The following ARHGEF10 variants were observed in gnomAD, a reference collection of about 807,000 sequenced individuals.
ARHGEF10 encodes the protein Rho guanine nucleotide exchange factor (GEF) 10.
ARHGEF10 carries 140 observed loss-of-function variants against 147.4 expected under a neutral mutation model. That is an observed-to-expected ratio of 0.95 (90% CI 0.83 to 1.09). ARHGEF10 has a LOEUF of 1.09. Ranked by LOEUF, ARHGEF10 falls within the 50% of genes least tolerant of loss-of-function variation. The pLI is 0.00. For synonymous variants in ARHGEF10, 902 were observed against 695.8 expected, an observed-to-expected ratio of 1.30 and a Z score of -4.67; for missense variants, 2,222 against 1,752.7, an observed-to-expected ratio of 1.27 and a Z score of -4.78.
intron 13 of ARHGEF10, among the ~76,000 whole-genome samples, chr8:1,895,393 G>A (rs1324383253): frequency 6.6e-6 from 1 of 152,162 alleles, no homozygotes; most frequent in Non-Finnish European, 1.5e-5. Context: ...TTAAATGAAT[G>A]TTATAATAAT....
rs1563234295 is a variant in ARHGEF10 at position 1,888,263 on chromosome 8, G to GAGGTGATAGTTTTGAGGAGAC, written c.1182+2558_1182+2559insGTGATAGTTTTGAGGAGACAG. On this transcript the variant is annotated intron_variant, in intron 11 of 28. Coordinates refer to ENST00000349830, the MANE Select transcript of ARHGEF10 (RefSeq NM_014629.4). The stretch of plus-strand genomic sequence containing the variant: ...GTGGTGAGGGTTGCGAGGAGATGCT[G>GAGGTGATAGTTTTGAGGAGAC]AGTGGGGCTGTAGGTTCTGAGGAGG... Among the ~76,000 whole-genome samples the GAGGTGATAGTTTTGAGGAGAC allele has an allele frequency of 3.6e-4, 34 of 94,276 alleles. 2 individuals carry two copies. Among genetic ancestry groups the GAGGTGATAGTTTTGAGGAGAC allele is most frequent in the Non-Finnish European group, 5.4e-4 (25 of 46,170 alleles). The allele number at this position is 94,276 out of a possible 152,430, so 61.8% of individuals were successfully genotyped here.
chr8:1,877,527 C>T (rs140455447), intron 8 of ARHGEF10, among the ~76,000 whole-genome samples: 62 of 152,280 alleles, frequency 4.1e-4, no homozygotes, highest in Non-Finnish European at 6.0e-4. Flanking sequence ...CACACCCAGC[C>T]GGATGATCCT....
Position 1,834,146 on chromosome 8 carries a change from T to C in ARHGEF10, c.-47-9207T>C, listed in dbSNP as rs1405646852. ...CAGTTCTGCCTGGGCAAGTGGATAC[T>C]GTGGTGGCCGGTCCGGGGCTGCTTG... On this transcript the variant is annotated intron_variant, in intron 1 of 28. Transcript: ENST00000349830. Among the ~76,000 whole-genome samples the C allele has an allele frequency of 3.3e-5, 5 of 152,176 alleles. No homozygotes were observed. In the South Asian group the frequency reaches 8.3e-4, roughly 25 times the overall value.
Position 1,893,698 on chromosome 8 carries a change from C to T in ARHGEF10, c.1260+52C>T, listed in dbSNP as rs376695834. ...CATACATTTCTATTATTCTTTTTTA[C>T]CTATATACATTTTGATCCATAAATG... On this transcript the variant is annotated intron_variant, in intron 12 of 28. Coordinates refer to ENST00000349830, the MANE Select transcript of ARHGEF10 (RefSeq NM_014629.4). 20 of 1,351,872 alleles carry T rather than the reference C, an allele frequency of 1.5e-5. No homozygotes were observed. In the African/African-American group the frequency reaches 2.5e-4, roughly 17 times the overall value. 83.7% of individuals were successfully genotyped at this position (1,351,872 alleles called of 1,614,324 possible). A position where few individuals can be genotyped will look rare whatever the true frequency, so the allele number is the denominator to read the frequency against.
At chr8:1,915,075 CCCCTGTGT>C (rs1811656069) in intron 18 of ARHGEF10, among the ~76,000 whole-genome samples, 1 of 149,696 alleles carries the variant, frequency 6.7e-6, no homozygotes, top group Non-Finnish European at 1.5e-5. Flanking sequence ...GTGTCCTGTG[CCCCTGTGT>C]GCTCATGCGG....
chr8:1,863,254 G>A (rs532918766), intron 4 of ARHGEF10, among the ~76,000 whole-genome samples: 3 of 152,244 alleles, frequency 2.0e-5, no homozygotes, highest in South Asian at 2.1e-4. Context: ...AGCGCTACCC[G>A]CAGATCCACC....
chr8:1,876,034 G>T (rs1279103656), intron 7 of ARHGEF10: 2 of 164,576 alleles, frequency 1.2e-5, no homozygotes, highest in South Asian at 1.6e-4. Context: ...TAAAAGTCTT[G>T]TTAGTGTCAC....
rs984076595 is a variant in ARHGEF10 at position 1,937,046 on chromosome 8, G to A, written c.3222+3104G>A. Among the ~76,000 whole-genome samples the A allele has an allele frequency of 2.0e-5, 3 of 152,196 alleles. No individual in the cohort carries two copies. The highest frequency in any genetic ancestry group is 1.3e-4 in the Admixed American group (2 of 15,278). On this transcript the variant is annotated intron_variant, in intron 26 of 28. Coordinates refer to ENST00000349830, the MANE Select transcript of ARHGEF10 (RefSeq NM_014629.4). This position sits in a 1 kb window ranked among gnomAD's most constrained non-coding sequence, Gnocchi z 4.9. The stretch of plus-strand genomic sequence containing the variant: ...GCCGTGGATCATGAATAGCATTCCC[G>A]CGTGAGTCTTTTTTTGACACAGCCT...
intron 2 of ARHGEF10, among the ~76,000 whole-genome samples, chr8:1,854,127 C>T (rs918322280): frequency 5.9e-5 from 9 of 152,204 alleles, no homozygotes; most frequent in South Asian, 4.1e-4. Flanking sequence ...CTGGGGAGCT[C>T]GGGTGGGGTC....
At chr8:1,846,069 T>A (rs1460598117) in intron 2 of ARHGEF10, among the ~76,000 whole-genome samples, 1 of 152,226 alleles carries the variant, frequency 6.6e-6, no homozygotes, top group African/African-American at 2.4e-5. Flanking sequence ...AGCTCCAGGC[T>A]GCAGGAATGT....
rs1805962935 is a variant in ARHGEF10 at position 1,860,010 on chromosome 8, G to T, written c.307G>T (p.Asp103Tyr). 3 of 1,614,000 alleles carry T rather than the reference G, an allele frequency of 1.9e-6. No individual in the cohort carries two copies. The highest frequency in any genetic ancestry group is 2.5e-6 in the Non-Finnish European group (3 of 1,180,004). The change falls in exon 4 of 29, where the codon GAC (aspartate) becomes TAC (tyrosine). Residue 103 changes from aspartate (D) to tyrosine (Y), a missense_variant. Transcript: ENST00000349830. ...CATCGACATCACGCCATTCCAGGAG[G>T]ACCAGCCGCCCACCCCCGTGCCCAG... is the stretch of plus-strand genomic sequence containing the variant. ...SVIDITPFQE[D>Y]QPPTPVPSAE...
intron 6 of ARHGEF10, 31 bp downstream of exon 6, chr8:1,866,633 C>T (rs746630899): frequency 6.3e-7 from 1 of 1,594,020 alleles, no homozygotes. Context: ...CAGCCAGAAT[C>T]CTCACCACGC....
rs1263949189 is a variant in ARHGEF10 at position 1,841,865 on chromosome 8, GGCCGCGGCGGGAAC to G, written c.-47-1487_-47-1474del. ...GAACTGGGGCCGCGGCGGGAACTGG[GGCCGCGGCGGGAAC>G]TGGGGCCGCGGCGGGAACTGGGGCC... is the stretch of plus-strand genomic sequence containing the variant. On this transcript the variant is annotated intron_variant, in intron 1 of 28. Transcript: ENST00000349830. 6.5e-4 allele frequency among the ~76,000 whole-genome samples: 81 copies of G among 124,506 alleles called. 3 individuals carry two copies. The highest frequency in any genetic ancestry group is 1.2e-3 in the African/African-American group (41 of 33,966). 81.7% of individuals were successfully genotyped at this position (124,506 alleles called of 152,430 possible). A position where few individuals can be genotyped will look rare whatever the true frequency, so the allele number is the denominator to read the frequency against.
intron 18 of ARHGEF10, among the ~76,000 whole-genome samples, chr8:1,912,367 A>T (rs1399695595): frequency 6.6e-6 from 1 of 151,944 alleles, no homozygotes; most frequent in African/African-American, 2.4e-5. Context: ...CCGTCCCTGC[A>T]AAAGTGCTGT....
Position 1,876,718 on chromosome 8 carries a change from G to C in ARHGEF10, c.827G>C (p.Ser276Thr), listed in dbSNP as rs755067873. Residue 276 changes from serine (S) to threonine (T), a missense_variant, in exon 8 of 29, where the codon AGC (serine) becomes ACC (threonine). By Grantham distance (58) the Ser-to-Thr change is moderately conservative (BLOSUM62 1). Transcript: ENST00000349830. ...KNGIPRSFLR[S>T]NHKKQLSHDL... ...GGGATTCCCAGGTCCTTCCTGCGCA[G>C]CAACCACAAAAAGCAAGTACGTGTT... The C allele has an allele frequency of 9.3e-6, 15 of 1,614,068 alleles. No individual in the cohort carries two copies. The highest frequency in any genetic ancestry group is 1.7e-5 in the Admixed American group (1 of 60,004).
Position 1,896,385 on chromosome 8 carries a change from GC to G in ARHGEF10, c.1494del (p.Ser498ArgfsTer21). 6.2e-7 allele frequency: 1 copy of G among 1,614,018 alleles called. No homozygotes were observed. ...DAYSEYVNNF[S>X]TAVAVLKKTC... ...TACAGTGAATATGTGAACAATTTCAGCACAGCCGTGGCAGTCCTCAAGAAAA... is the reference window on the plus strand; with the variant it reads ...TACAGTGAATATGTGAACAATTTCAGACAGCCGTGGCAGTCCTCAAGAAAA... On this transcript the variant is annotated frameshift_variant, in exon 14 of 29. Transcript: ENST00000349830. LOFTEE classifies it high-confidence loss of function.
chr8:1,882,853 C>T (rs1808335196), intron 10 of ARHGEF10, 104 bp downstream of exon 10: 4 of 973,012 alleles, frequency 4.1e-6, no homozygotes, highest in African/African-American at 3.2e-5. Context: ...CAGGCTCCCA[C>T]AGCCTTAGGG....
At chr8:1,854,259 G>A (rs1805379346) in intron 2 of ARHGEF10, among the ~76,000 whole-genome samples, 2 of 152,104 alleles carry the variant, frequency 1.3e-5, no homozygotes, top group African/African-American at 4.8e-5. Flanking sequence ...CACCATCGAT[G>A]GAGGCCCCCT....
Position 1,958,197 on chromosome 8 carries a change from C to G in ARHGEF10, c.*934C>G, listed in dbSNP as rs1288255551. On this transcript the variant is annotated 3_prime_UTR_variant, in exon 29 of 29. Transcript: ENST00000349830. ...CGCACGCTCCGAATGACTCCTGGTG[C>G]TAGGCCATGCTGGCTGCTGTCACTG... is the stretch of plus-strand genomic sequence containing the variant. The G allele has an allele frequency of 6.6e-6, 1 of 152,284 alleles. No individual in the cohort carries two copies. Among genetic ancestry groups the G allele is most frequent in the East Asian group, 1.9e-4 (1 of 5,194 alleles). The allele number at this position is 152,284 out of a possible 1,614,324, so 9.4% of individuals were successfully genotyped here.
Sources: gnomAD v4.1 joint callset for allele counts (sites outside exome capture counted in the v4.1 genomes callset) on GRCh38, gnomAD v4.1.1 for gene constraint, Gnocchi (gnomAD v3.1) non-coding constraint, MANE v1.5 for transcripts, NCBI Gene and HGNC (gene_info 2026-07-23, HGNC 2026-07-21) for gene names.